The following SSBP2 variants were observed in gnomAD, a reference collection of about 807,000 sequenced individuals.
SSBP2 encodes the protein single stranded DNA binding protein 2.
Under a neutral mutation model 61.8 loss-of-function variants are expected in SSBP2, and 17 were observed. The ratio of observed to expected loss-of-function variants is 0.28; its 90% CI spans 0.19 to 0.41. SSBP2 has a LOEUF of 0.41. Ranked by LOEUF, SSBP2 falls within the 10% of genes least tolerant of loss-of-function variation. The probability of loss-of-function intolerance (pLI) is 1.00; values close to 1 mark genes in which losing one functional copy is unlikely to be tolerated. For missense variants in SSBP2, 310 were observed against 458.7 expected (o/e 0.68, Z 2.96); for synonymous variants, 139 against 141.3 (o/e 0.98, Z 0.12).
chr5:81,675,288 T>A (rs936736248), intron 1 of SSBP2, among the ~76,000 whole-genome samples: 2 of 152,118 alleles, frequency 1.3e-5, no homozygotes, highest in African/African-American at 4.8e-5. Flanking sequence ...TAGTCCCCCA[T>A]CATCTCCCTT....
intron 1 of SSBP2, among the ~76,000 whole-genome samples, chr5:81,666,039 A>C (rs1202390705): frequency 6.6e-6 from 1 of 152,204 alleles, no homozygotes. Context: ...CAAATGTTCA[A>C]AGCGCTTGCA....
intron 1 of SSBP2, among the ~76,000 whole-genome samples, chr5:81,675,397 CCAGCTA>C (rs1293720073): frequency 2.6e-5 from 4 of 152,132 alleles, no homozygotes; most frequent in Non-Finnish European, 5.9e-5. Flanking sequence ...ATTCCTTCAT[CCAGCTA>C]CCAGTTTGTA....
At chr5:81,524,640 T>C (rs1769772176) in intron 4 of SSBP2, among the ~76,000 whole-genome samples, 1 of 152,062 alleles carries the variant, frequency 6.6e-6, no homozygotes, top group African/African-American at 2.4e-5. Flanking sequence ...TCTATCATTT[T>C]GGTTAAAGCA....
intron 1 of SSBP2, among the ~76,000 whole-genome samples, chr5:81,727,537 A>G (rs1755974843): frequency 6.6e-6 from 1 of 150,720 alleles, no homozygotes; most frequent in African/African-American, 2.4e-5. Context: ...CAACAAGAGC[A>G]AAACTCCACC....
intron 1 of SSBP2, among the ~76,000 whole-genome samples, chr5:81,686,223 G>C (rs1752759617): frequency 6.6e-6 from 1 of 152,164 alleles, no homozygotes; most frequent in Admixed American, 6.5e-5. Flanking sequence ...ATTGAAATAT[G>C]TATGCCTTAC....
At chr5:81,451,075 A>T (rs555354398) in intron 10 of SSBP2, among the ~76,000 whole-genome samples, 11 of 152,320 alleles carry the variant, frequency 7.2e-5, no homozygotes, top group African/African-American at 2.6e-4. Flanking sequence ...GATTTATAGT[A>T]TTTGCCAGTT....
chr5:81,490,791 T>G (rs1399448061), intron 5 of SSBP2, among the ~76,000 whole-genome samples: 1 of 152,260 alleles, frequency 6.6e-6, no homozygotes, highest in Non-Finnish European at 1.5e-5. Context: ...TTTGGCTTTT[T>G]GTTCACTGTG....
At chr5:81,528,197 C>G (rs1157280667) in intron 4 of SSBP2, among the ~76,000 whole-genome samples, 2 of 151,922 alleles carry the variant, frequency 1.3e-5, no homozygotes, top group African/African-American at 4.8e-5. Context: ...TAGAAGCTGG[C>G]TGAACTTAAT....
intron 4 of SSBP2, among the ~76,000 whole-genome samples, chr5:81,606,161 G>A (rs1744862351): frequency 6.6e-6 from 1 of 152,102 alleles, no homozygotes; most frequent in African/African-American, 2.4e-5. Context: ...AGTTCCCTAA[G>A]TAACACCTGC....
At chr5:81,445,138 T>TACATA (rs1453692261) in intron 12 of SSBP2, among the ~76,000 whole-genome samples, 1 of 33,896 alleles carries the variant, frequency 3.0e-5, no homozygotes, top group Non-Finnish European at 5.3e-5. Flanking sequence ...AAAAAAAATT[T>TACATA]TATATATATA....
chr5:81,471,912 T>C (rs1200510920), intron 8 of SSBP2, among the ~76,000 whole-genome samples: 1 of 152,040 alleles, frequency 6.6e-6, no homozygotes, highest in African/African-American at 2.4e-5. Flanking sequence ...CATAGTTATA[T>C]GTTGGTTAGA....
At chr5:81,687,173 A>G (rs1440345256) in intron 1 of SSBP2, among the ~76,000 whole-genome samples, 1 of 152,216 alleles carries the variant, frequency 6.6e-6, no homozygotes, top group Non-Finnish European at 1.5e-5. Context: ...TGGTACGGAG[A>G]ATCTGTGCCA....
rs1313067312 is a variant in SSBP2 at position 81,415,285 on chromosome 5, C to A, written c.*5219G>T. On this transcript the variant is annotated 3_prime_UTR_variant, in exon 17 of 17. Coordinates refer to ENST00000320672, the MANE Select transcript of SSBP2 (RefSeq NM_012446.5). ...TTCAAAGACAGAGAACTACAGTTGT[C>A]CCTCCGTATCCAAGGGAGACCGGTT... is the stretch of plus-strand genomic sequence containing the variant. The A allele has an allele frequency of 6.6e-6, 1 of 152,210 alleles. No homozygotes were observed. Among genetic ancestry groups the A allele is most frequent in the Non-Finnish European group, 1.5e-5 (1 of 68,040 alleles). 9.4% of individuals were successfully genotyped at this position (152,210 alleles called of 1,614,324 possible). A position where few individuals can be genotyped will look rare whatever the true frequency, so the allele number is the denominator to read the frequency against.
intron 2 of SSBP2, among the ~76,000 whole-genome samples, chr5:81,646,573 A>G (rs972663523): frequency 6.6e-6 from 1 of 150,992 alleles, no homozygotes; most frequent in Non-Finnish European, 1.5e-5. Context: ...AGCAACCCTC[A>G]ACATAAATTA....
rs532347267 is a variant in SSBP2, at chr5:81,484,677, CAG to C, written c.432+4571_432+4572del. On this transcript the variant is annotated intron_variant, in intron 6 of 16. Coordinates refer to ENST00000320672, the MANE Select transcript of SSBP2 (RefSeq NM_012446.5). Reference sequence around the variant, plus strand: ...AATCATTAATCACTAACATATTAAACAGATACATTTTATCATCTCAATAAATT... The same window carrying C: ...AATCATTAATCACTAACATATTAAACATACATTTTATCATCTCAATAAATT... Among the ~76,000 whole-genome samples the C allele has an allele frequency of 1.1e-4, 17 of 152,222 alleles. No individual in the cohort carries two copies. In the South Asian group the frequency reaches 3.5e-3, roughly 32 times the overall value.
chr5:81,510,701 C>T (rs902435205), intron 5 of SSBP2, among the ~76,000 whole-genome samples: 62 of 151,720 alleles, frequency 4.1e-4, no homozygotes, highest in African/African-American at 1.3e-3. Flanking sequence ...GCGGAGGTTG[C>T]GGTGAGCCGA....
intron 15 of SSBP2, among the ~76,000 whole-genome samples, chr5:81,429,011 G>A (rs1762129685): frequency 1.3e-5 from 2 of 152,062 alleles, no homozygotes; most frequent in South Asian, 4.1e-4. Context: ...TCCCAGCAGG[G>A]GCATGATGAA....
chr5:81,446,891 G>A lies in SSBP2; in HGVS notation c.755C>T (p.Thr252Ile), dbSNP rs1351831276. Residue 252 changes from threonine to isoleucine, a missense_variant, in exon 12 of 17, where the codon ACA (threonine) becomes ATA (isoleucine). Thr to Ile is a moderately conservative substitution (Grantham distance 89, BLOSUM62 -1). Coordinates refer to ENST00000320672, the MANE Select transcript of SSBP2 (RefSeq NM_012446.5). ...ACCTGCTGGACTAGGCATGATGGGT[G>A]TTCCTGGTGGCCCTCCACCTCCTGG... 1.2e-6 allele frequency: 2 copies of A among 1,607,830 alleles called. No individual in the cohort carries two copies. Among genetic ancestry groups the A allele is most frequent in the Non-Finnish European group, 1.7e-6 (2 of 1,177,434 alleles).
rs1295144298 is a variant in SSBP2, at chr5:81,750,348, CCTCCGCGCCCCGCGCGCGT to C, written c.62+614_62+632del. On this transcript the variant is annotated intron_variant, in intron 1 of 16. Coordinates refer to ENST00000320672, the MANE Select transcript of SSBP2 (RefSeq NM_012446.5). The stretch of plus-strand genomic sequence containing the variant: ...GCCCGGACGCCCAACCCGCACACGC[CCTCCGCGCCCCGCGCGCGT>C]CTCCGCGCCCCGCGGGGCCCCGCTC... Among the ~76,000 whole-genome samples the C allele has an allele frequency of 2.3e-3, 336 of 146,890 alleles. 1 individual carries two copies. The highest frequency in any genetic ancestry group is 4.8e-3 in the South Asian group (23 of 4,788).
Sources: gnomAD v4.1 joint callset for allele counts (sites outside exome capture counted in the v4.1 genomes callset) on GRCh38, gnomAD v4.1.1 for gene constraint, MANE v1.5 for transcripts, NCBI Gene and HGNC (gene_info 2026-07-23, HGNC 2026-07-21) for gene names.